The following COL11A1 variants were observed in gnomAD, a reference collection of about 807,000 sequenced individuals.
The protein encoded by COL11A1 is collagen type XI alpha 1 chain.
COL11A1 carries 74 observed loss-of-function variants against 265.2 expected under a neutral mutation model. The ratio of observed to expected loss-of-function variants is 0.28; its 90% confidence interval spans 0.23 to 0.34. The LOEUF (loss-of-function observed/expected upper bound fraction) is 0.34, where lower values mean the gene tolerates loss of function less well. Ranked by LOEUF, COL11A1 falls within the 10% of genes least tolerant of loss-of-function variation. The probability of loss-of-function intolerance (pLI) is 1.00; values close to 1 mark genes in which losing one functional copy is unlikely to be tolerated. For synonymous variants in COL11A1, 816 were observed against 727.6 expected (o/e 1.12, Z -1.96); for missense variants, 2,165 against 2,263.6 (o/e 0.96, Z 0.88).
chr1:102,912,349 A>G, intron 53 of COL11A1, 137 bp from the exon 54 acceptor site: 1 of 664,970 alleles, frequency 1.5e-6, no homozygotes, highest in Non-Finnish European at 2.6e-6. Context: ...TCTCAGCCCT[A>G]TTTCAGATAC....
At chr1:102,939,011 C>T (rs1486174717) in intron 44 of COL11A1, 24 bp downstream of exon 44, 1 of 1,606,158 alleles carries the variant, frequency 6.2e-7, no homozygotes, top group South Asian at 1.1e-5. Context: ...ATAATGTTCT[C>T]TCAGTAAGAA....
chr1:103,069,673 G>GAA (rs1671421708), intron 4 of COL11A1, among the ~76,000 whole-genome samples: 2 of 151,752 alleles, frequency 1.3e-5, no homozygotes, highest in African/African-American at 4.8e-5. Context: ...TCTTTATGCA[G>GAA]GATAAAGTTT....
At chr1:102,984,671 T>G (rs1663366782) in intron 30 of COL11A1, among the ~76,000 whole-genome samples, 1 of 152,072 alleles carries the variant, frequency 6.6e-6, no homozygotes, top group South Asian at 2.1e-4. Flanking sequence ...TTACTTAACT[T>G]TTCTCAATGA....
chr1:102,981,764 T>A (rs1663061564), intron 31 of COL11A1, among the ~76,000 whole-genome samples: 1 of 152,032 alleles, frequency 6.6e-6, no homozygotes, highest in African/African-American at 2.4e-5. Context: ...GTGAAATTTT[T>A]AAAATGCTGT....
Position 103,029,116 on chromosome 1 carries a change from T to C in COL11A1, c.780+2000A>G, listed in dbSNP as rs1220154690. 3.9e-5 allele frequency among the ~76,000 whole-genome samples: 6 copies of C among 152,140 alleles called. No homozygotes were observed. In the South Asian group the frequency reaches 1.2e-3, roughly 32 times the overall value. On this transcript the variant is annotated intron_variant, in intron 5 of 66. Coordinates refer to ENST00000370096, the MANE Select transcript of COL11A1 (RefSeq NM_001854.4). ...CATATAACAATGTGAATCTTAAGAATAGATTAGGATATGCTACTTAGAGGA... is the reference window on the plus strand; with the variant it reads ...CATATAACAATGTGAATCTTAAGAACAGATTAGGATATGCTACTTAGAGGA...
chr1:102,949,080 A>G (rs1443796930), intron 41 of COL11A1, among the ~76,000 whole-genome samples: 1 of 152,090 alleles, frequency 6.6e-6, no homozygotes, highest in Non-Finnish European at 1.5e-5. Flanking sequence ...AGAAAAGAAA[A>G]AAGTCAGTAA....
intron 30 of COL11A1, 81 bp from the exon 31 acceptor site, chr1:102,984,272 A>G (rs193200778): frequency 1.1e-6 from 1 of 927,474 alleles, no homozygotes; most frequent in Non-Finnish European, 1.7e-6. Flanking sequence ...TTTTTTAAAT[A>G]TTAGAATCAC....
chr1:103,078,678 A>C lies in COL11A1; in HGVS notation c.468T>G (p.Thr156=). ...CTTACTTCCCGTCAGCGATGTTAAC[A>C]GTTCTGAAGAGGGGATAGTCTTCTG... ...PAPEDYPLFR[T]VNIADGKWHR... Residue 156 remains threonine (T), a synonymous_variant, in exon 3 of 67, where the codon ACT becomes ACG. Coordinates refer to ENST00000370096, the MANE Select transcript of COL11A1 (RefSeq NM_001854.4). 1 of 1,613,392 alleles carries C rather than the reference A, an allele frequency of 6.2e-7. No homozygotes were observed. The highest frequency in any genetic ancestry group is 8.5e-7 in the Non-Finnish European group (1 of 1,179,532).
chr1:102,992,446 G>A (rs1208227741), intron 28 of COL11A1, among the ~76,000 whole-genome samples: 1 of 151,798 alleles, frequency 6.6e-6, no homozygotes, highest in Non-Finnish European at 1.5e-5. Flanking sequence ...ATCACCTTTG[G>A]TTAACAATTA....
At chr1:102,891,864 C>T (rs1372967905) in intron 57 of COL11A1, among the ~76,000 whole-genome samples, 3 of 152,058 alleles carry the variant, frequency 2.0e-5, no homozygotes, top group African/African-American at 7.2e-5. Flanking sequence ...GCATGGGTGA[C>T]AGAGGAACAC....
intron 3 of COL11A1, among the ~76,000 whole-genome samples, chr1:103,077,358 A>G (rs1447418695): frequency 1.3e-5 from 2 of 151,926 alleles, no homozygotes; most frequent in East Asian, 1.9e-4. Flanking sequence ...AAGCAGGATT[A>G]AGGAAAAATA....
At chr1:102,924,127 A>C (rs932285807) in intron 46 of COL11A1, among the ~76,000 whole-genome samples, 3 of 151,836 alleles carry the variant, frequency 2.0e-5, no homozygotes. Context: ...AGGCTGAGGC[A>C]GGAGAATGGT....
chr1:102,988,464 C>T lies in COL11A1; in HGVS notation c.2395-724G>A, dbSNP rs373868376. Among the ~76,000 whole-genome samples, 23 of 152,264 alleles carry T rather than the reference C, an allele frequency of 1.5e-4. No homozygotes were observed. In the South Asian group the frequency reaches 4.6e-3, roughly 30 times the overall value. Reference sequence around the variant, plus strand: ...ATTCCCCTGTCTGGATAAATAGGCCCTGTCTGGGCAGCAGGCAAGATAAAC... The same window carrying T: ...ATTCCCCTGTCTGGATAAATAGGCCTTGTCTGGGCAGCAGGCAAGATAAAC... On this transcript the variant is annotated intron_variant, in intron 29 of 66. Transcript: ENST00000370096.
chr1:102,960,164 C>A (rs1660758590), intron 41 of COL11A1, among the ~76,000 whole-genome samples: 1 of 152,064 alleles, frequency 6.6e-6, no homozygotes, highest in African/African-American at 2.4e-5. Flanking sequence ...TAAAAAATAT[C>A]TTTGCCACAT....
intron 54 of COL11A1, among the ~76,000 whole-genome samples, chr1:102,904,020 C>G (rs983803849): frequency 6.6e-6 from 1 of 152,036 alleles, no homozygotes; most frequent in African/African-American, 2.4e-5. Context: ...TGTCATCATA[C>G]CTGACTAATT....
intron 41 of COL11A1, among the ~76,000 whole-genome samples, chr1:102,959,145 C>T (rs1660646518): frequency 6.6e-6 from 1 of 152,174 alleles, no homozygotes; most frequent in South Asian, 2.1e-4. Flanking sequence ...ACATTAATGA[C>T]AGATTTGTTT....
At chr1:102,947,424 G>T (rs183472777) in intron 41 of COL11A1, among the ~76,000 whole-genome samples, 1 of 151,814 alleles carries the variant, frequency 6.6e-6, no homozygotes, top group South Asian at 2.1e-4. Flanking sequence ...AAAAAAAATG[G>T]GTTCAGAAAT....
At chr1:103,046,236 C>T (rs534613567) in intron 4 of COL11A1, among the ~76,000 whole-genome samples, 1 of 124,680 alleles carries the variant, frequency 8.0e-6, no homozygotes, top group African/African-American at 3.0e-5. Flanking sequence ...GTCCCACCAA[C>T]AGTGTAAAAG....
rs1349050083 is a variant in COL11A1 at position 103,022,603 on chromosome 1, C to T, written c.1245+139G>A. 6.5e-6 allele frequency: 6 copies of T among 920,284 alleles called. No homozygotes were observed. In the African/African-American group the frequency reaches 8.2e-5, roughly 13 times the overall value. The allele number at this position is 920,284 out of a possible 1,614,324, so 57.0% of individuals were successfully genotyped here. On this transcript the variant is annotated intron_variant, in intron 8 of 66. Coordinates refer to ENST00000370096, the MANE Select transcript of COL11A1 (RefSeq NM_001854.4). ...CATGTGAAAGAATCTAACAAGGTGT[C>T]CTAGTGGTAATAGGCATTCATAATT...
Sources: allele counts gnomAD v4.1 joint callset (sites outside exome capture counted in the v4.1 genomes callset), GRCh38; gene constraint gnomAD v4.1.1; transcripts MANE v1.5; gene names NCBI Gene and HGNC (gene_info 2026-07-23, HGNC 2026-07-21).